GTF2I: variants seen among roughly 807,000 people sequenced by gnomAD.
The protein encoded by GTF2I is general transcription factor IIi.
GTF2I carries 12 observed loss-of-function variants against 67.6 expected under a neutral mutation model. The ratio of observed to expected loss-of-function variants is 0.18; its 90% CI spans 0.11 to 0.29. GTF2I has a LOEUF of 0.29. GTF2I is among the 10% of genes least tolerant of loss of function. The probability of loss-of-function intolerance (pLI) is 1.00; values close to 1 mark genes in which losing one functional copy is unlikely to be tolerated. For synonymous variants in GTF2I, 149 were observed against 197.0 expected (o/e 0.76, Z 2.04); for missense variants, 271 against 580.1 (o/e 0.47, Z 5.47).
At chr7:74,694,035 T>C (rs1788634572) in intron 3 of GTF2I, among the ~76,000 whole-genome samples, 1 of 152,022 alleles carries the variant, frequency 6.6e-6, no homozygotes, top group Admixed American at 6.6e-5. Context: ...GGAGAATGCG[T>C]AGGAAAAGTT....
chr7:74,697,712 CTAAG>C (rs1554398671), intron 3 of GTF2I, among the ~76,000 whole-genome samples: 1 of 152,182 alleles, frequency 6.6e-6, no homozygotes, highest in African/African-American at 2.4e-5. Flanking sequence ...TTTCATTCAT[CTAAG>C]TATTTTAGAT....
At chr7:74,731,942 A>C (rs201716520) in intron 14 of GTF2I, among the ~76,000 whole-genome samples, 2,849 of 151,570 alleles carry the variant, frequency 0.019, 31 homozygotes, top group South Asian at 0.035. Flanking sequence ...CTCTGGGGAC[A>C]CAGTGCCTTG....
At chr7:74,688,690 G>A (rs937112610) in intron 1 of GTF2I, among the ~76,000 whole-genome samples, 13 of 152,150 alleles carry the variant, frequency 8.5e-5, no homozygotes, top group Non-Finnish European at 1.6e-4. Flanking sequence ...TTAGTAAGAA[G>A]AGAAACTTCT....
chr7:74,690,945 A>G (rs1554396868), intron 2 of GTF2I, 28 bp from the exon 3 acceptor site: 1 of 1,598,326 alleles, frequency 6.3e-7, no homozygotes, highest in African/African-American at 1.3e-5. Flanking sequence ...GTCCGCCTGT[A>G]ACATGATGTT....
chr7:74,668,257 G>A (rs782784169), intron 1 of GTF2I, among the ~76,000 whole-genome samples: 19 of 142,178 alleles, frequency 1.3e-4, no homozygotes, highest in Admixed American at 3.1e-4. Flanking sequence ...GTTCATCTGT[G>A]TGTTAGAATC....
At chr7:74,692,842 A>T (rs1311013852) in intron 3 of GTF2I, among the ~76,000 whole-genome samples, 2 of 152,062 alleles carry the variant, frequency 1.3e-5, no homozygotes, top group Non-Finnish European at 2.9e-5. Context: ...GGCTCACCGC[A>T]ACCTCTGCCT....
intron 1 of GTF2I, among the ~76,000 whole-genome samples, chr7:74,664,452 G>A (rs1554387788): frequency 1.3e-5 from 2 of 151,976 alleles, no homozygotes; most frequent in African/African-American, 4.8e-5. Context: ...TTGTTTTTTT[G>A]AGAAGGAGTC....
intron 1 of GTF2I, chr7:74,687,474 C>A: frequency 3.1e-6 from 2 of 645,998 alleles, no homozygotes; most frequent in Non-Finnish European, 3.8e-6. Context: ...CCACCCGCCT[C>A]GGCCTTCCAA....
chr7:74,721,920 A>G (rs1467854584), intron 12 of GTF2I, among the ~76,000 whole-genome samples: 1 of 152,192 alleles, frequency 6.6e-6, no homozygotes, highest in Non-Finnish European at 1.5e-5. Flanking sequence ...TCTAGAGGAT[A>G]ATCTTAGTTT....
intron 16 of GTF2I, among the ~76,000 whole-genome samples, chr7:74,734,428 G>T (rs1794726039): frequency 1.3e-5 from 2 of 150,604 alleles, no homozygotes; most frequent in African/African-American, 4.9e-5. Context: ...GTTTTGTTTT[G>T]TTTTGTTTTT....
intron 5 of GTF2I, 88 bp downstream of exon 5, chr7:74,700,518 A>C (rs1361153951): frequency 1.3e-6 from 2 of 1,591,844 alleles, no homozygotes; most frequent in Non-Finnish European, 1.7e-6. Flanking sequence ...TTTAAAATTC[A>C]TATTTAACAC....
In GTF2I at chr7:74,757,773, CAG is replaced by C. The variant is rs1796123792; in HGVS notation, c.2897-184_2897-183del. 2.2e-5 allele frequency among the ~76,000 whole-genome samples: 2 copies of C among 89,450 alleles called. 1 individual carries two copies. The highest frequency in any genetic ancestry group is 4.6e-5 in the Non-Finnish European group (2 of 43,542). The allele number at this position is 89,450 out of a possible 152,430, so 58.7% of individuals were successfully genotyped here. ...TGAACTTAGGACCACATTTGAAAAA[CAG>C]AAATTTGAAAGTACACTTGGATAAT... On this transcript the variant is annotated intron_variant, in intron 32 of 34. Transcript: ENST00000573035.
intron 1 of GTF2I, among the ~76,000 whole-genome samples, chr7:74,666,493 C>T (rs1804984251): frequency 6.6e-6 from 1 of 150,574 alleles, no homozygotes; most frequent in Non-Finnish European, 1.5e-5. Context: ...AGTGTTACTC[C>T]TTCCTCCTGT....
At chr7:74,666,176 A>G (rs587640810) in intron 1 of GTF2I, among the ~76,000 whole-genome samples, 10 of 152,284 alleles carry the variant, frequency 6.6e-5, no homozygotes, top group Non-Finnish European at 1.2e-4. Flanking sequence ...AAACCTGAGA[A>G]TGTATGCTTT....
chr7:74,680,169 T>C (rs1368047657), intron 1 of GTF2I, among the ~76,000 whole-genome samples: 1 of 144,910 alleles, frequency 6.9e-6, no homozygotes, highest in Non-Finnish European at 1.5e-5. Context: ...TACACACATA[T>C]ATATAATTTT....
intron 1 of GTF2I, among the ~76,000 whole-genome samples, chr7:74,659,265 G>C (rs1804254694): frequency 6.6e-6 from 1 of 151,304 alleles, no homozygotes; most frequent in Admixed American, 6.6e-5. Context: ...TCTCTGTGTT[G>C]CCCTGGCTGA....
intron 1 of GTF2I, among the ~76,000 whole-genome samples, chr7:74,688,171 C>G (rs1304024417): frequency 6.6e-6 from 1 of 152,032 alleles, no homozygotes; most frequent in African/African-American, 2.4e-5. Context: ...CTCCGTCTCC[C>G]AGGTTCAAGC....
intron 10 of GTF2I, chr7:74,716,620 A>T: frequency 3.3e-6 from 1 of 306,766 alleles, no homozygotes; most frequent in Non-Finnish European, 6.1e-6. Flanking sequence ...TAGTAATTTT[A>T]TCATGTAGTT....
rs782514449 is a variant in GTF2I, at chr7:74,700,299, G to T, written c.426G>T (p.Leu142=). Residue 142 remains leucine (L), a synonymous_variant, in exon 5 of 35, where the codon CTG becomes CTT. Transcript: ENST00000573035. ...TACCTGTACCATATGAGAAGATGCT[G>T]CGAGACCAGTCGGCTGTGGTAGTGC... The part of the protein sequence containing the change: ...TVVPVPYEKM[L]RDQSAVVVQG... The T allele has an allele frequency of 1.9e-6, 3 of 1,614,154 alleles. No homozygotes were observed. In the East Asian group the frequency reaches 6.7e-5, roughly 36 times the overall value.
Sources: gnomAD v4.1 joint callset for allele counts (sites outside exome capture counted in the v4.1 genomes callset) on GRCh38, gnomAD v4.1.1 for gene constraint, MANE v1.5 for transcripts, NCBI Gene and HGNC (gene_info 2026-07-23, HGNC 2026-07-21) for gene names.